The following KGD4 variants were observed in gnomAD, a reference collection of about 807,000 sequenced individuals.
KGD4 encodes the protein alpha-ketoglutarate dehydrogenase subunit 4.
At chr5:69,226,158 GT>G in the KGD4 span, among the ~76,000 whole-genome samples, 177 of 152,348 alleles carry the variant, frequency 1.2e-3, 1 homozygote, top group Non-Finnish European at 2.0e-3. Flanking sequence ...AAAGTACAAA[GT>G]TGTGTTTACC....
the KGD4 span, chr5:69,217,850 G>A: frequency 6.2e-7 from 1 of 1,613,960 alleles, no homozygotes; most frequent in Non-Finnish European, 8.5e-7. Flanking sequence ...GCAAGATGGC[G>A]TCTGCTAGTA....
chr5:69,226,153 A>G, the KGD4 span, among the ~76,000 whole-genome samples: 11 of 152,250 alleles, frequency 7.2e-5, no homozygotes, highest in Non-Finnish European at 1.6e-4. Context: ...TATATAAAGT[A>G]CAAAGTTGTG....
chr5:69,228,269 G>A, the KGD4 span: 1 of 1,609,364 alleles, frequency 6.2e-7, no homozygotes, highest in Non-Finnish European at 8.5e-7. Flanking sequence ...TCTAAAGGAA[G>A]TAAATCACCA....
the KGD4 span, among the ~76,000 whole-genome samples, chr5:69,219,597 T>C: frequency 6.6e-6 from 1 of 152,060 alleles, no homozygotes; most frequent in African/African-American, 2.4e-5. Context: ...CTGTGAGATA[T>C]ACAGTAAGGA....
At chr5:69,221,206 T>A in the KGD4 span, among the ~76,000 whole-genome samples, 26 of 145,090 alleles carry the variant, frequency 1.8e-4, no homozygotes, top group East Asian at 3.8e-3. Context: ...AAAAAAAAAA[T>A]TAGCCAGGCA....
the KGD4 span, among the ~76,000 whole-genome samples, chr5:69,218,478 G>A: frequency 6.8e-6 from 1 of 148,044 alleles, no homozygotes; most frequent in Admixed American, 6.8e-5. Context: ...TAATGTGTGT[G>A]TGTGTGTGTG....
At chr5:69,226,234 G>T in the KGD4 span, 1 of 758,050 alleles carries the variant, frequency 1.3e-6, no homozygotes, top group East Asian at 2.6e-5. Flanking sequence ...ATTTAAAGTT[G>T]CTGTAAAATA....
the KGD4 span, among the ~76,000 whole-genome samples, chr5:69,225,456 G>A: frequency 2.6e-5 from 4 of 151,722 alleles, no homozygotes; most frequent in East Asian, 3.9e-4. Context: ...TAGTAGATAC[G>A]AGGTTTCACC....
the KGD4 span, among the ~76,000 whole-genome samples, chr5:69,225,859 G>GT: frequency 2.6e-5 from 4 of 152,252 alleles, no homozygotes; most frequent in East Asian, 7.7e-4. Context: ...GATTATAGGC[G>GT]TGAGCCATCA....
At chr5:69,218,108 G>T in the KGD4 span, 3 of 623,326 alleles carry the variant, frequency 4.8e-6, no homozygotes, top group East Asian at 8.4e-5. Flanking sequence ...CAGCATCTTG[G>T]CAGGTAGGTC....
the KGD4 span, chr5:69,226,532 C>T: frequency 1.7e-4 from 105 of 625,912 alleles, no homozygotes; most frequent in East Asian, 3.0e-3. Flanking sequence ...CAAAATAGTG[C>T]CTTATGTAGC....
At chr5:69,228,215 G>T in the KGD4 span, 5 of 1,560,178 alleles carry the variant, frequency 3.2e-6, no homozygotes. Context: ...GAAGCTTTGA[G>T]ATCAGCAGGG....
the KGD4 span, among the ~76,000 whole-genome samples, chr5:69,223,148 G>A: frequency 6.2e-5 from 8 of 128,506 alleles, no homozygotes; most frequent in South Asian, 2.6e-4. Flanking sequence ...GCACAATCTC[G>A]GCTCACTGCA....
the KGD4 span, chr5:69,217,803 C>T: frequency 6.2e-7 from 1 of 1,613,562 alleles, no homozygotes; most frequent in Non-Finnish European, 8.5e-7. Context: ...TCGCTCGCGC[C>T]CCGGAAACTG....
At chr5:69,224,180 CA>C in the KGD4 span, among the ~76,000 whole-genome samples, 3 of 151,976 alleles carry the variant, frequency 2.0e-5, no homozygotes, top group Admixed American at 6.6e-5. Flanking sequence ...CATTTGAGGT[CA>C]GGAGTTCAAG....
chr5:69,222,116 T>C, the KGD4 span, among the ~76,000 whole-genome samples: 2 of 151,806 alleles, frequency 1.3e-5, no homozygotes, highest in African/African-American at 4.8e-5. Flanking sequence ...GCATTTACCA[T>C]GTAACAGGAA....
At chr5:69,221,629 A>G in the KGD4 span, among the ~76,000 whole-genome samples, 2 of 152,208 alleles carry the variant, frequency 1.3e-5, no homozygotes, top group East Asian at 3.8e-4. Flanking sequence ...TGGATCCTAG[A>G]CCTAAATGCA....
the KGD4 span, chr5:69,228,193 A>AT: frequency 6.6e-7 from 1 of 1,513,870 alleles, no homozygotes. Context: ...TTTTTTTTTA[A>AT]TTTCAGTATC....
At chr5:69,217,955 G>A in the KGD4 span, 7 of 1,608,258 alleles carry the variant, frequency 4.4e-6, no homozygotes, top group Non-Finnish European at 6.0e-6. Flanking sequence ...TAAAGGCGGT[G>A]GCAGAGGCAG....
Sources: allele counts gnomAD v4.1 joint callset (sites outside exome capture counted in the v4.1 genomes callset), GRCh38; gene constraint gnomAD v4.1.1; transcripts MANE v1.5; gene names NCBI Gene and HGNC (gene_info 2026-07-23, HGNC 2026-07-21).